The following STK4 variants were observed in gnomAD, a reference collection of about 807,000 sequenced individuals.
STK4 encodes serine/threonine kinase 4, also known as serine/threonine-protein kinase 4.
STK4 carries 30 observed loss-of-function variants against 64.9 expected under a neutral mutation model. The observed-to-expected ratio is 0.46, with a 90% CI of 0.35 to 0.63. The LOEUF (loss-of-function observed/expected upper bound fraction) is 0.63, where lower values mean the gene tolerates loss of function less well. Among genes scored for constraint, STK4 ranks in the 20% least tolerant of loss-of-function variants. The pLI is 0.01. For missense variants in STK4, 466 were observed against 598.5 expected, an observed-to-expected ratio of 0.78 and a Z score of 2.31; for synonymous variants, 177 against 199.0, an observed-to-expected ratio of 0.89 and a Z score of 0.93.
chr20:44,991,133 A>C (rs1383686601), intron 5 of STK4, among the ~76,000 whole-genome samples: 1 of 152,156 alleles, frequency 6.6e-6, no homozygotes, highest in Non-Finnish European at 1.5e-5. Flanking sequence ...TGAAAGTAAA[A>C]TGTATTTGCT....
At chr20:44,975,599 T>G (rs1434797105) in intron 2 of STK4, 10 of 158,006 alleles carry the variant, frequency 6.3e-5, no homozygotes, top group Non-Finnish European at 1.4e-4. Flanking sequence ...GAGATTGCAT[T>G]TGAGCTTCCT....
chr20:45,012,829 T>C (rs1361478259), intron 9 of STK4, among the ~76,000 whole-genome samples: 1 of 146,032 alleles, frequency 6.8e-6, no homozygotes, highest in Non-Finnish European at 1.5e-5. Context: ...ACTGTCTCAC[T>C]CTGGAATGCA....
intron 9 of STK4, among the ~76,000 whole-genome samples, chr20:45,014,540 A>C (rs190305959): frequency 2.0e-5 from 3 of 152,308 alleles, no homozygotes; most frequent in Admixed American, 6.5e-5. Flanking sequence ...AAAGCAAAAA[A>C]ATATTTTTTT....
intron 4 of STK4, among the ~76,000 whole-genome samples, chr20:44,984,403 C>T (rs1004551288): frequency 6.6e-6 from 1 of 151,892 alleles, no homozygotes; most frequent in African/African-American, 2.4e-5. Flanking sequence ...GTGGTTTCAC[C>T]GTGTTAGCCA....
intron 10 of STK4, among the ~76,000 whole-genome samples, chr20:45,047,656 T>C (rs1287573412): frequency 6.6e-6 from 1 of 152,240 alleles, no homozygotes; most frequent in Non-Finnish European, 1.5e-5. Flanking sequence ...GCTTCTTTGG[T>C]AAAACTGTAG....
chr20:45,005,064 C>T (rs1355149896), intron 9 of STK4, among the ~76,000 whole-genome samples: 1 of 152,080 alleles, frequency 6.6e-6, no homozygotes, highest in African/African-American at 2.4e-5. Context: ...AGCCACCGCG[C>T]CCAGCCTCCT....
At chr20:45,022,843 T>A (rs2068272287) in intron 9 of STK4, among the ~76,000 whole-genome samples, 1 of 152,204 alleles carries the variant, frequency 6.6e-6, no homozygotes, top group Non-Finnish European at 1.5e-5. Context: ...ATTGATGAAC[T>A]CAATTTAGTC....
In STK4 at chr20:45,010,202, G is replaced by T. The variant is rs2068020052; in HGVS notation, c.1147+8849G>T. 2.0e-5 allele frequency among the ~76,000 whole-genome samples: 3 copies of T among 151,998 alleles called. No homozygotes were observed. The South Asian group carries it at 6.2e-4, about 32-fold the overall frequency. On this transcript the variant is annotated intron_variant, in intron 9 of 10. Coordinates refer to ENST00000372806, the MANE Select transcript of STK4 (RefSeq NM_006282.5). Reference sequence around the variant, plus strand: ...TCCTGTCTCAGCCTCCTGAGATTGGGATTACAGGTGCATGCCACCACACCT... The same window carrying T: ...TCCTGTCTCAGCCTCCTGAGATTGGTATTACAGGTGCATGCCACCACACCT...
At chr20:44,983,921 C>T (rs983259954) in intron 4 of STK4, among the ~76,000 whole-genome samples, 9 of 151,860 alleles carry the variant, frequency 5.9e-5, no homozygotes, top group Non-Finnish European at 4.4e-5. Flanking sequence ...TTTGCTTAAT[C>T]GAATAGCAAG....
At chr20:45,030,438 A>G (rs2068424382) in intron 10 of STK4, among the ~76,000 whole-genome samples, 1 of 152,134 alleles carries the variant, frequency 6.6e-6, no homozygotes, top group African/African-American at 2.4e-5. Context: ...TCTGATTTCT[A>G]GGCAGATAGT....
chr20:44,978,650 C>A, intron 3 of STK4, 79 bp downstream of exon 3: 1 of 1,456,520 alleles, frequency 6.9e-7, no homozygotes, highest in Non-Finnish European at 9.2e-7. Flanking sequence ...TACCTAGAGA[C>A]ACATTTACTT....
At chr20:45,003,742 G>A (rs140542959) in intron 9 of STK4, among the ~76,000 whole-genome samples, 4,819 of 144,880 alleles carry the variant, frequency 0.033, 115 homozygotes, top group Non-Finnish European at 0.048. Flanking sequence ...TGGAGACGGA[G>A]TCTCACTCTG....
chr20:45,046,854 G>A (rs2068704315), intron 10 of STK4, among the ~76,000 whole-genome samples: 2 of 151,838 alleles, frequency 1.3e-5, no homozygotes, highest in Admixed American at 6.6e-5. Flanking sequence ...GCTAATTTTT[G>A]TATTTTTAGT....
chr20:45,025,115 T>C lies in STK4; in HGVS notation c.1290T>C (p.Asp430=), dbSNP rs2068322094. The part of the protein sequence containing the change: ...KNSSDWKIPQ[D]GDYEFLKSWT... ...CTTCAGATTGGAAAATACCACAGGA[T>C]GGAGACTACGAGTTTGTAAGTAGTG... The change falls in exon 10 of 11, where the codon GAT becomes GAC. Residue 430 remains aspartate, a synonymous_variant. Coordinates refer to ENST00000372806, the MANE Select transcript of STK4 (RefSeq NM_006282.5). 3 of 1,611,720 alleles carry C rather than the reference T, an allele frequency of 1.9e-6. No homozygotes were observed. The highest frequency in any genetic ancestry group is 2.7e-5 in the African/African-American group (2 of 74,806).
At chr20:45,015,492 G>C (rs2068125068) in intron 9 of STK4, among the ~76,000 whole-genome samples, 1 of 152,192 alleles carries the variant, frequency 6.6e-6, no homozygotes, top group Non-Finnish European at 1.5e-5. Context: ...TCTATCATCA[G>C]AGTATTGTGT....
rs71197589 is a variant in STK4, at chr20:44,988,533, GTATATATATATATA to G, written c.525+1259_525+1272del. ...TGTGTGTGTATATATATGTGTGTGT[GTATATATATATATA>G]TATATATATATATATATATATGTAT... On this transcript the variant is annotated intron_variant, in intron 5 of 10. Coordinates refer to ENST00000372806, the MANE Select transcript of STK4 (RefSeq NM_006282.5). Among the ~76,000 whole-genome samples, 187 of 101,584 alleles carry G rather than the reference GTATATATATATATA, an allele frequency of 1.8e-3. 3 individuals are homozygous for G. Among genetic ancestry groups the G allele is most frequent in the East Asian group, 6.1e-3 (18 of 2,960 alleles). The allele number at this position is 101,584 out of a possible 152,430, so 66.6% of individuals were successfully genotyped here.
In STK4 at chr20:45,077,308, T is replaced by C. The variant is rs923821927; in HGVS notation, c.*2132T>C. 4 of 152,244 alleles carry C rather than the reference T, an allele frequency of 2.6e-5. No individual in the cohort carries two copies. Among genetic ancestry groups the C allele is most frequent in the Non-Finnish European group, 5.9e-5 (4 of 68,036 alleles). The allele number at this position is 152,244 out of a possible 1,614,324, so 9.4% of individuals were successfully genotyped here. ...CAGCTGAATTAGTAGTTAAGTCTGA[T>C]AGCCAAGTAAGTTTTAAAAACCAAA... On this transcript the variant is annotated 3_prime_UTR_variant, in exon 11 of 11. Coordinates refer to ENST00000372806, the MANE Select transcript of STK4 (RefSeq NM_006282.5).
At chr20:45,006,180 C>G (rs375547529) in intron 9 of STK4, among the ~76,000 whole-genome samples, 1 of 150,414 alleles carries the variant, frequency 6.6e-6, no homozygotes, top group Non-Finnish European at 1.5e-5. Context: ...TTTGGTTTCT[C>G]TATTATTATT....
At chr20:44,980,012 C>G (rs1298801140) in intron 3 of STK4, among the ~76,000 whole-genome samples, 3 of 152,140 alleles carry the variant, frequency 2.0e-5, no homozygotes, top group African/African-American at 7.2e-5. Context: ...CAAGCGTCTA[C>G]TCTGTGCTAA....
Sources: allele counts gnomAD v4.1 joint callset (sites outside exome capture counted in the v4.1 genomes callset), GRCh38; gene constraint gnomAD v4.1.1; transcripts MANE v1.5; gene names NCBI Gene and HGNC (gene_info 2026-07-23, HGNC 2026-07-21).